Variants in KLHL7 observed in about 807,000 individuals in gnomAD.
KLHL7 encodes kelch like family member 7.
In KLHL7, 44 loss-of-function variants were observed where a neutral mutation model predicts 67.4. That is an observed-to-expected ratio of 0.65 (90% CI 0.51 to 0.84). The LOEUF is 0.84. KLHL7 is among the 40% of genes least tolerant of loss of function. KLHL7 has a pLI of 0.00. For synonymous variants in KLHL7, 252 were observed against 243.3 expected, an observed-to-expected ratio of 1.04 and a Z score of -0.33; for missense variants, 362 against 718.1, an observed-to-expected ratio of 0.50 and a Z score of 5.67.
rs1785277699 is a variant in KLHL7 at position 23,175,513 on chromosome 7, A to G, written c.*1215A>G. ...TCTCTTAATTTTCAGTTTTCTTTAT[A>G]TAGAGGTTATAATAGTCTTAAACCC... On this transcript the variant is annotated 3_prime_UTR_variant, in exon 11 of 11. Coordinates refer to ENST00000339077, the MANE Select transcript of KLHL7 (RefSeq NM_001031710.3). 2.7e-6 allele frequency: 1 copy of G among 366,588 alleles called. No individual in the cohort carries two copies. Among genetic ancestry groups the G allele is most frequent in the Non-Finnish European group, 5.2e-6 (1 of 192,824 alleles). 22.7% of individuals were successfully genotyped at this position (366,588 alleles called of 1,614,324 possible). A position where few individuals can be genotyped will look rare whatever the true frequency, so the allele number is the denominator to read the frequency against.
chr7:23,130,432 T>C (rs1359379555), intron 4 of KLHL7, among the ~76,000 whole-genome samples: 1 of 152,244 alleles, frequency 6.6e-6, no homozygotes, highest in Non-Finnish European at 1.5e-5. Flanking sequence ...CCATATATGC[T>C]ATATTTATTT....
chr7:23,139,802 G>T (rs1784113907), intron 4 of KLHL7, among the ~76,000 whole-genome samples: 1 of 152,130 alleles, frequency 6.6e-6, no homozygotes. Context: ...GACTTTTCCT[G>T]TAAAGGATCA....
chr7:23,149,316 T>TCAG (rs1784459045), intron 6 of KLHL7, among the ~76,000 whole-genome samples: 2 of 152,136 alleles, frequency 1.3e-5, no homozygotes, highest in Non-Finnish European at 2.9e-5. Flanking sequence ...AAAAGGCCCA[T>TCAG]TAGTGAAAGA....
At chr7:23,136,760 A>T (rs1783991554) in intron 4 of KLHL7, among the ~76,000 whole-genome samples, 1 of 152,196 alleles carries the variant, frequency 6.6e-6, no homozygotes, top group African/African-American at 2.4e-5. Flanking sequence ...TAGAAAATTA[A>T]TTTTTAGAGA....
At chr7:23,145,346 ATT>A (rs1191117149) in intron 6 of KLHL7, among the ~76,000 whole-genome samples, 1 of 151,230 alleles carries the variant, frequency 6.6e-6, no homozygotes, top group Non-Finnish European at 1.5e-5. Flanking sequence ...TTATTCTCTA[ATT>A]TATTATTTCA....
At chr7:23,148,441 C>G (rs1394357157) in intron 6 of KLHL7, among the ~76,000 whole-genome samples, 2 of 150,140 alleles carry the variant, frequency 1.3e-5, no homozygotes, top group African/African-American at 2.5e-5. Context: ...GAACCAAAGG[C>G]TAGTGTCTTG....
intron 1 of KLHL7, among the ~76,000 whole-genome samples, chr7:23,109,670 T>C (rs1183267684): frequency 6.6e-6 from 1 of 152,210 alleles, no homozygotes; most frequent in Admixed American, 6.5e-5. Context: ...TGACTGTAAA[T>C]TACTACATGT....
intron 7 of KLHL7, among the ~76,000 whole-genome samples, chr7:23,160,924 C>G (rs1476657579): frequency 1.3e-5 from 2 of 152,176 alleles, no homozygotes; most frequent in Non-Finnish European, 1.5e-5. Context: ...TGCCTCTAAT[C>G]TGTCCTATAG....
In KLHL7 at chr7:23,174,332, TA is replaced by T. The variant is rs747522726; in HGVS notation, c.*38del. 1 of 1,607,912 alleles carries T rather than the reference TA, an allele frequency of 6.2e-7. No homozygotes were observed. The highest frequency in any genetic ancestry group is 8.5e-7 in the Non-Finnish European group (1 of 1,174,714). On this transcript the variant is annotated 3_prime_UTR_variant, in exon 11 of 11. Transcript: ENST00000339077. Reference sequence around the variant, plus strand: ...TGGACTTCAGACTCATCAGAGACTCTAAAATATAGCCACCAGTGCTTTGTTC... The same window carrying T: ...TGGACTTCAGACTCATCAGAGACTCTAAATATAGCCACCAGTGCTTTGTTC...
chr7:23,149,244 A>G (rs927049138), intron 6 of KLHL7, among the ~76,000 whole-genome samples: 2 of 152,210 alleles, frequency 1.3e-5, no homozygotes, highest in African/African-American at 4.8e-5. Flanking sequence ...AGCCTAAGCA[A>G]CAATTAGCTC....
chr7:23,122,410 T>G (rs1297045001), intron 1 of KLHL7, among the ~76,000 whole-genome samples: 1 of 152,212 alleles, frequency 6.6e-6, no homozygotes, highest in Non-Finnish European at 1.5e-5. Flanking sequence ...TCACTTGTTT[T>G]TTGGTGGTAA....
chr7:23,150,624 C>T (rs7805085), intron 6 of KLHL7, among the ~76,000 whole-genome samples: 55,124 of 151,986 alleles, frequency 0.36, 10,369 homozygotes, highest in African/African-American at 0.45. Context: ...GATTGATAAA[C>T]TCCTAGAAAG....
At chr7:23,119,250 G>A (rs1783228616) in intron 1 of KLHL7, among the ~76,000 whole-genome samples, 1 of 152,052 alleles carries the variant, frequency 6.6e-6, no homozygotes, top group Admixed American at 6.6e-5. Context: ...TGTTGTCTAG[G>A]CTGGAATGTA....
chr7:23,143,360 C>A (rs1784252493), intron 5 of KLHL7, among the ~76,000 whole-genome samples: 2 of 152,086 alleles, frequency 1.3e-5, no homozygotes, highest in Admixed American at 1.3e-4. Context: ...TTCTTTATAT[C>A]TTAAAGTTTC....
intron 1 of KLHL7, among the ~76,000 whole-genome samples, chr7:23,113,105 T>C (rs1205609360): frequency 6.7e-6 from 1 of 148,766 alleles, no homozygotes; most frequent in Non-Finnish European, 1.5e-5. Context: ...AATGAAGGAG[T>C]TTCTATCCAG....
At chr7:23,135,288 G>A (rs1484130918) in intron 4 of KLHL7, among the ~76,000 whole-genome samples, 1 of 152,136 alleles carries the variant, frequency 6.6e-6, no homozygotes, top group African/African-American at 2.4e-5. Context: ...ATTGTGGTCA[G>A]GGGAGATGCT....
At chr7:23,152,348 T>A in intron 7 of KLHL7, 139 bp downstream of exon 7, 2 of 782,642 alleles carry the variant, frequency 2.6e-6, no homozygotes, top group Non-Finnish European at 4.3e-6. Flanking sequence ...TGTTATGAGA[T>A]ACATAGATCA....
At chr7:23,150,704 G>C (rs1290894083) in intron 6 of KLHL7, among the ~76,000 whole-genome samples, 2 of 152,122 alleles carry the variant, frequency 1.3e-5, no homozygotes, top group Non-Finnish European at 2.9e-5. Context: ...CCCTTCCCAT[G>C]GTTATACCCA....
At chr7:23,161,826 T>C (rs1784862019) in intron 7 of KLHL7, among the ~76,000 whole-genome samples, 1 of 152,372 alleles carries the variant, frequency 6.6e-6, no homozygotes, top group East Asian at 1.9e-4. Context: ...TATACTTTTC[T>C]ACAAATGTGA....
Sources: gnomAD v4.1 joint callset for allele counts (sites outside exome capture counted in the v4.1 genomes callset) on GRCh38, gnomAD v4.1.1 for gene constraint, MANE v1.5 for transcripts, NCBI Gene and HGNC (gene_info 2026-07-23, HGNC 2026-07-21) for gene names.